ACSL6: variants seen among roughly 807,000 people sequenced by gnomAD.
ACSL6 encodes the protein acyl-CoA synthetase long chain family member 6.
ACSL6 carries 47 observed loss-of-function variants against 98.2 expected under a neutral mutation model. The observed-to-expected ratio is 0.48, with a 90% CI of 0.38 to 0.61. ACSL6 has a LOEUF of 0.61. Ranked by LOEUF, ACSL6 falls within the 20% of genes least tolerant of loss-of-function variation. The pLI is 0.00. For missense variants in ACSL6, 761 were observed against 913.4 expected, an observed-to-expected ratio of 0.83 and a Z score of 2.15; for synonymous variants, 362 against 336.9, an observed-to-expected ratio of 1.07 and a Z score of -0.82.
intron 13 of ACSL6, 75 bp from the exon 14 acceptor site, chr5:131,971,720 G>A: frequency 7.6e-7 from 1 of 1,317,254 alleles, no homozygotes. Flanking sequence ...TTTCATCCAA[G>A]GTCAACATCC....
At chr5:131,988,743 A>AGCTGGAG (rs1197927064) in intron 6 of ACSL6, 62 bp downstream of exon 6, 1 of 1,579,790 alleles carries the variant, frequency 6.3e-7, no homozygotes, top group Non-Finnish European at 8.7e-7. Context: ...TAACCTGAGA[A>AGCTGGAG]GCTGGAGGCT....
chr5:132,004,267 C>T (rs1755259170), intron 1 of ACSL6, among the ~76,000 whole-genome samples: 1 of 150,556 alleles, frequency 6.6e-6, no homozygotes, highest in African/African-American at 2.5e-5. Flanking sequence ...CACTGCTTCT[C>T]TGACACCCCA....
At chr5:131,976,332 G>A (rs1446491681) in intron 10 of ACSL6, 1 of 664,708 alleles carries the variant, frequency 1.5e-6, no homozygotes, top group East Asian at 1.4e-4. Context: ...CAAAACCATG[G>A]GTATATCAAT....
chr5:131,966,580 A>G, intron 16 of ACSL6, 48 bp from the exon 17 acceptor site: 2 of 1,536,770 alleles, frequency 1.3e-6, no homozygotes, highest in Non-Finnish European at 1.8e-6. Context: ...ATGAGGAATC[A>G]GGAGATGGGA....
intron 6 of ACSL6, chr5:131,988,514 C>G (rs1177464220): frequency 1.2e-6 from 2 of 1,608,010 alleles, no homozygotes; most frequent in Non-Finnish European, 1.7e-6. Flanking sequence ...TTACCACCCC[C>G]TGCATCTGTG....
rs142207942 is a variant in ACSL6, at chr5:132,008,241, C to T, written c.49+3264G>A. Among the ~76,000 whole-genome samples the T allele has an allele frequency of 4.7e-3, 717 of 152,324 alleles. 13 individuals carry two copies. The highest frequency in any genetic ancestry group is 3.4e-3 in the Non-Finnish European group (234 of 68,030). ...TCCAAACCCCTGGGGTGGCCCTAGA[C>T]CTCAAGTCAGTTCTCTGTCCTAATG... is the stretch of plus-strand genomic sequence containing the variant. On this transcript the variant is annotated intron_variant, in intron 1 of 20. Transcript: ENST00000651883.
chr5:131,979,666 T>G (rs1255214064), intron 9 of ACSL6, among the ~76,000 whole-genome samples: 1 of 152,226 alleles, frequency 6.6e-6, no homozygotes, highest in African/African-American at 2.4e-5. Flanking sequence ...TCTCTACATG[T>G]GGTCCCAAAG....
At chr5:131,958,184 C>T (rs1752516267) in intron 20 of ACSL6, among the ~76,000 whole-genome samples, 2 of 149,398 alleles carry the variant, frequency 1.3e-5, no homozygotes, top group African/African-American at 5.1e-5. Flanking sequence ...CTCTGTGTGC[C>T]CTGGGACAGG....
chr5:131,963,719 C>T (rs1752860222), intron 17 of ACSL6, among the ~76,000 whole-genome samples: 1 of 152,176 alleles, frequency 6.6e-6, no homozygotes, highest in South Asian at 2.1e-4. Flanking sequence ...GACTGGACTT[C>T]TGCACACACT....
At chr5:131,967,878 G>A (rs1753101759) in intron 16 of ACSL6, 62 bp downstream of exon 16, 2 of 1,435,044 alleles carry the variant, frequency 1.4e-6, no homozygotes, top group Non-Finnish European at 2.0e-6. Context: ...CATCCCTACT[G>A]TTCTTGTTTT....
In ACSL6 at chr5:131,954,502, T is replaced by C. The variant is rs1439372984; in HGVS notation, c.2032-131A>G. Reference sequence around the variant, plus strand: ...CAGACATTATGCTAAGTCAAAATTATGTTGAGAACATTTCAGCCTATTTTA... The same window carrying C: ...CAGACATTATGCTAAGTCAAAATTACGTTGAGAACATTTCAGCCTATTTTA... On this transcript the variant is annotated intron_variant, in intron 20 of 20. Coordinates refer to ENST00000651883, the MANE Select transcript of ACSL6 (RefSeq NM_001009185.3). 5 of 1,004,712 alleles carry C rather than the reference T, an allele frequency of 5.0e-6. No individual in the cohort carries two copies. The African/African-American group carries it at 5.1e-5, about 10-fold the overall frequency. 62.2% of individuals were successfully genotyped at this position (1,004,712 alleles called of 1,614,324 possible).
chr5:131,989,575 G>T, intron 4 of ACSL6, 67 bp from the exon 5 acceptor site: 1 of 557,060 alleles, frequency 1.8e-6, no homozygotes. Flanking sequence ...AGATCCCCAG[G>T]AGGAATTCTT....
chr5:131,961,384 T>C (rs1304088049), intron 18 of ACSL6, among the ~76,000 whole-genome samples: 1 of 152,064 alleles, frequency 6.6e-6, no homozygotes, highest in Non-Finnish European at 1.5e-5. Context: ...AGAAATGCAA[T>C]GATAGTACAG....
chr5:131,971,567 C>T lies in ACSL6; in HGVS notation c.1417G>A (p.Ala473Thr). 6.2e-7 allele frequency: 1 copy of T among 1,610,406 alleles called. No individual in the cohort carries two copies. The highest frequency in any genetic ancestry group is 1.7e-4 in the Middle Eastern group (1 of 6,054). ...ASPTVLGFLR[A>T]ALGCQVYEGY... ...GACAATACCTGGCACCCTAGAGCTG[C>T]CCGGAGAAATCCCAGAACTGTTGGT... is the stretch of plus-strand genomic sequence containing the variant. The change falls in exon 14 of 21, where the codon GCA becomes ACA. Residue 473 changes from alanine (A) to threonine (T), a missense_variant. Physicochemically the swap from Ala to Thr is moderately conservative, Grantham distance 58. Transcript: ENST00000651883.
Position 131,976,687 on chromosome 5 carries a change from G to A in ACSL6, c.951C>T (p.Asn317=), listed in dbSNP as rs141656216. ...NPKGAMLTHG[N]VVADFSGFLK... ...GAAAGCCTGAGAAATCAGCCACCACGTTCCCATGGGTGAGCATCGCACCTT... is the reference window on the plus strand; with the variant it reads ...GAAAGCCTGAGAAATCAGCCACCACATTCCCATGGGTGAGCATCGCACCTT... The change falls in exon 10 of 21, where the codon AAC becomes AAT. Residue 317 remains asparagine, a synonymous_variant. Coordinates refer to ENST00000651883, the MANE Select transcript of ACSL6 (RefSeq NM_001009185.3). 3.7e-5 allele frequency: 59 copies of A among 1,613,992 alleles called. No homozygotes were observed. The Middle Eastern group carries it at 6.6e-4, about 18-fold the overall frequency.
At chr5:131,954,423 A>G in intron 20 of ACSL6, 52 bp from the exon 21 acceptor site, 4 of 1,567,222 alleles carry the variant, frequency 2.6e-6, no homozygotes, top group South Asian at 1.2e-5. Flanking sequence ...CACAGTATTT[A>G]TAGTATACAT....
Position 131,967,573 on chromosome 5 carries a change from G to A in ACSL6, c.1596+367C>T, listed in dbSNP as rs1227222322. Among the ~76,000 whole-genome samples the A allele has an allele frequency of 3.3e-5, 5 of 151,956 alleles. No individual in the cohort carries two copies. The South Asian group carries it at 6.2e-4, about 19-fold the overall frequency. ...CCAGCTACTTGGGAGGCTGAGGCAG[G>A]AGAATGGTGTGAACCTGGGAGGCGG... On this transcript the variant is annotated intron_variant, in intron 16 of 20. Transcript: ENST00000651883.
At chr5:131,971,113 G>C (rs148058069) in intron 14 of ACSL6, among the ~76,000 whole-genome samples, 9 of 152,308 alleles carry the variant, frequency 5.9e-5, no homozygotes, top group African/African-American at 2.2e-4. Context: ...GGAAAATGAA[G>C]AAATAAACTT....
At chr5:131,965,653 T>C (rs1310058343) in intron 17 of ACSL6, among the ~76,000 whole-genome samples, 5 of 151,748 alleles carry the variant, frequency 3.3e-5, no homozygotes, top group Admixed American at 6.6e-5. Context: ...ACCTGGGAGG[T>C]GGAGGTTGCA....
Sources: allele counts gnomAD v4.1 joint callset (sites outside exome capture counted in the v4.1 genomes callset), GRCh38; gene constraint gnomAD v4.1.1; transcripts MANE v1.5; gene names NCBI Gene and HGNC (gene_info 2026-07-23, HGNC 2026-07-21).